The following AIFM3 variants were observed in gnomAD, a reference collection of about 807,000 sequenced individuals.
The protein encoded by AIFM3 is apoptosis-inducing factor 3.
AIFM3 carries 71 observed loss-of-function variants against 82.7 expected under a neutral mutation model. The ratio of observed to expected loss-of-function variants is 0.86; its 90% confidence interval spans 0.71 to 1.05. The LOEUF is 1.05. Among genes scored for constraint, AIFM3 ranks in the 50% least tolerant of loss-of-function variants. The probability of loss-of-function intolerance (pLI) is 0.00; values close to 1 mark genes in which losing one functional copy is unlikely to be tolerated. For missense variants in AIFM3, 748 were observed against 816.7 expected, an observed-to-expected ratio of 0.92 and a Z score of 1.03; for synonymous variants, 337 against 329.1, an observed-to-expected ratio of 1.02 and a Z score of -0.26.
In AIFM3 at chr22:20,977,027, C is replaced by T; in HGVS notation, c.1219-5C>T. The T allele has an allele frequency of 6.2e-7, 1 of 1,614,186 alleles. No individual in the cohort carries two copies. Among genetic ancestry groups the T allele is most frequent in the Non-Finnish European group, 8.5e-7 (1 of 1,180,038 alleles). On this transcript the variant is annotated splice_region_variant and splice_polypyrimidine_tract_variant and intron_variant, in intron 13 of 20. Coordinates refer to ENST00000440238, the MANE Select transcript of AIFM3 (RefSeq NM_001386814.1). Reference sequence around the variant, plus strand: ...TCCACCTGTTTATCCACCCACTCCCCACAGCTGAAGGAGGTTGTGCTGAAG... The same window carrying T: ...TCCACCTGTTTATCCACCCACTCCCTACAGCTGAAGGAGGTTGTGCTGAAG...
intron 20 of AIFM3, 52 bp downstream of exon 20, chr22:20,980,819 G>A (rs765943116): frequency 1.1e-5 from 18 of 1,610,272 alleles, no homozygotes; most frequent in South Asian, 9.9e-5. Context: ...TGTCAGCCCA[G>A]ACCCTCCACC....
chr22:20,977,171 T>A, intron 14 of AIFM3, 76 bp downstream of exon 14: 1 of 1,580,134 alleles, frequency 6.3e-7, no homozygotes, highest in Non-Finnish European at 8.6e-7. Flanking sequence ...CTTGGGCTAG[T>A]CCCTTCCCCT....
In AIFM3 at chr22:20,976,703, G is replaced by A. The variant is rs1923698180; in HGVS notation, c.1083G>A (p.Val361=). The part of the protein sequence containing the change: ...LTEKAHSVSV[V]ELEETPFRRF... ...AGAAGGCCCACTCTGTGTCTGTGGT[G>A]GAGCTGGAGGAGACGCCCTTCAGGA... Residue 361 remains valine, a synonymous_variant, in exon 12 of 21, where the codon GTG becomes GTA. Coordinates refer to ENST00000440238, the MANE Select transcript of AIFM3 (RefSeq NM_001386814.1). 1.2e-6 allele frequency: 2 copies of A among 1,609,086 alleles called. No individual in the cohort carries two copies. Among genetic ancestry groups the A allele is most frequent in the Non-Finnish European group, 1.7e-6 (2 of 1,177,640 alleles).
At position 20,976,293 on chromosome 22, in the gene AIFM3, G is replaced by A. The variant is rs769542944; in HGVS notation, c.886G>A (p.Ala296Thr). 9 of 1,614,038 alleles carry A rather than the reference G, an allele frequency of 5.6e-6. No homozygotes were observed. The highest frequency in any genetic ancestry group is 7.6e-6 in the Non-Finnish European group (9 of 1,180,034). The change falls in exon 10 of 21, where the codon GCA (alanine) becomes ACA (threonine). Residue 296 changes from alanine (A) to threonine (T), a missense_variant. By Grantham distance (58) the Ala-to-Thr change is moderately conservative. Coordinates refer to ENST00000440238, the MANE Select transcript of AIFM3 (RefSeq NM_001386814.1). Reference sequence around the variant, plus strand: ...GCTGGAGTACAGCAAGCTGCTGCTGGCACCAGGGAGCAGGTGGGAGGGTCT... The same window carrying A: ...GCTGGAGTACAGCAAGCTGCTGCTGACACCAGGGAGCAGGTGGGAGGGTCT... ...FKLEYSKLLL[A>T]PGSSPKTLSC... is the part of the protein sequence containing the mutation.
chr22:20,967,886 G>A lies in AIFM3; in HGVS notation c.-59G>A. On this transcript the variant is annotated 5_prime_UTR_variant, in exon 2 of 21. An upstream open reading frame in the 5' UTR loses its in-frame stop. Transcript: ENST00000440238. Reference sequence around the variant, plus strand: ...GTCCAGCCCCATGGGGGGCGCCCTAGGCCTCCGACAGCTCCCCATCTGTGC... The same window carrying A: ...GTCCAGCCCCATGGGGGGCGCCCTAAGCCTCCGACAGCTCCCCATCTGTGC... 1 of 1,607,128 alleles carries A rather than the reference G, an allele frequency of 6.2e-7. No homozygotes were observed. The highest frequency in any genetic ancestry group is 2.2e-5 in the East Asian group (1 of 44,836).
intron 9 of AIFM3, 136 bp from the exon 10 acceptor site, chr22:20,976,079 C>G: frequency 1.0e-6 from 1 of 969,214 alleles, no homozygotes; most frequent in Non-Finnish European, 1.6e-6. Context: ...AGAATGAAGC[C>G]CAGGTGGCAG....
rs373462664 is a variant in AIFM3, at chr22:20,973,427, C to A, written c.152C>A (p.Thr51Lys). ...AATGGCACGGCCCGCCACTTCCACA[C>A]GGAGGAGCGCCTGTCCACCCCTCAC... ...QGNGTARHFH[T>K]EERLSTPHPY... Residue 51 changes from threonine (T) to lysine (K), a missense_variant, in exon 3 of 21, where the codon ACG becomes AAG. Coordinates refer to ENST00000440238, the MANE Select transcript of AIFM3 (RefSeq NM_001386814.1). The A allele has an allele frequency of 2.5e-6, 4 of 1,613,034 alleles. No homozygotes were observed. The highest frequency in any genetic ancestry group is 3.4e-6 in the Non-Finnish European group (4 of 1,179,988).
chr22:20,977,892 T>C lies in AIFM3; in HGVS notation c.1364T>C (p.Met455Thr), dbSNP rs1432881955. ...SRGFIPVNKM[M>T]QTNVPGVFAA... ...CTCTGGGCCCTCTCTCTACAGATGA[T>C]GCAGACCAATGTCCCAGGCGTGTTT... is the stretch of plus-strand genomic sequence containing the variant. The change falls in exon 16 of 21, where the codon ATG becomes ACG. Residue 455 changes from methionine to threonine, a missense_variant. Physicochemically the swap from Met to Thr is moderately conservative, Grantham distance 81. This residue lies in a region of AIFM3 where 393 missense variants were observed against 481.1 expected (regional missense o/e 0.82). Transcript: ENST00000440238. 3.7e-6 allele frequency: 6 copies of C among 1,614,154 alleles called. 1 individual carries two copies. In the South Asian group the frequency reaches 6.6e-5, roughly 18 times the overall value.
At chr22:20,980,612 C>A (rs915529119) in intron 19 of AIFM3, 135 bp from the exon 20 acceptor site, 5 of 1,108,978 alleles carry the variant, frequency 4.5e-6, no homozygotes, top group Non-Finnish European at 6.9e-6. Context: ...CTGGGGACAG[C>A]CTGGAGGCCA....
At chr22:20,975,196 A>C (rs992591913) in intron 8 of AIFM3, among the ~76,000 whole-genome samples, 2 of 150,124 alleles carry the variant, frequency 1.3e-5, no homozygotes, top group Non-Finnish European at 3.0e-5. Context: ...TGAACTCCTG[A>C]GCTCAGCCCA....
intron 19 of AIFM3, 49 bp downstream of exon 19, chr22:20,980,173 A>T: frequency 6.4e-7 from 1 of 1,567,100 alleles, no homozygotes; most frequent in South Asian, 1.1e-5. Flanking sequence ...TCCCTGGAGT[A>T]CTGGCTAAGG....
In AIFM3 at chr22:20,977,038, G is replaced by A; in HGVS notation, c.1225G>A (p.Glu409Lys). The A allele has an allele frequency of 6.2e-7, 1 of 1,614,198 alleles. No individual in the cohort carries two copies. Residue 409 changes from glutamate to lysine, a missense_variant, in exon 14 of 21, where the codon GAG becomes AAG. By Grantham distance (56) the Glu-to-Lys change is moderately conservative. Coordinates refer to ENST00000440238, the MANE Select transcript of AIFM3 (RefSeq NM_001386814.1). ...ATCCACCCACTCCCCACAGCTGAAG[G>A]AGGTTGTGCTGAAGAGCAGCAAGGT... ...ELRGQEGKLK[E>K]VVLKSSKVVR...
In AIFM3 at chr22:20,981,234, C is replaced by T. The variant is rs1924099179; in HGVS notation, c.*203C>T. 3.1e-6 allele frequency: 2 copies of T among 650,378 alleles called. No homozygotes were observed. The highest frequency in any genetic ancestry group is 1.8e-5 in the African/African-American group (1 of 54,910). The allele number at this position is 650,378 out of a possible 1,614,324, so 40.3% of individuals were successfully genotyped here. ...GCTCAACCCTCAAGGCCTCTGCTGC[C>T]ACTGACAGCTGGCACTGGAGGCAGG... On this transcript the variant is annotated 3_prime_UTR_variant, in exon 21 of 21. Transcript: ENST00000440238.
At chr22:20,969,188 TGC>T (rs1302895021) in intron 2 of AIFM3, among the ~76,000 whole-genome samples, 46 of 152,358 alleles carry the variant, frequency 3.0e-4, no homozygotes, top group African/African-American at 1.1e-3. Flanking sequence ...AGATGCCACC[TGC>T]AGGTTCTTTT....
chr22:20,978,821 C>T lies in AIFM3; in HGVS notation c.1478-450C>T, dbSNP rs574523703. ...GGGGACTTTGAAGTACATCCAACTA[C>T]AGGGGTCTACTGGGGCCTCATAGGA... On this transcript the variant is annotated intron_variant, in intron 16 of 20. Coordinates refer to ENST00000440238, the MANE Select transcript of AIFM3 (RefSeq NM_001386814.1). Among the ~76,000 whole-genome samples, 66 of 152,226 alleles carry T rather than the reference C, an allele frequency of 4.3e-4. 1 individual carries two copies. The highest frequency in any genetic ancestry group is 1.5e-3 in the African/African-American group (61 of 41,536).
chr22:20,968,699 G>A (rs1364974791), intron 2 of AIFM3, among the ~76,000 whole-genome samples: 1 of 152,120 alleles, frequency 6.6e-6, no homozygotes, highest in African/African-American at 2.4e-5. Context: ...CACCTGGGGA[G>A]GCAGGAGTGT....
In AIFM3 at chr22:20,977,786, A is replaced by T; in HGVS notation, c.1359+10A>T. The stretch of plus-strand genomic sequence containing the variant: ...CATCCCTGTCAACAAGGTGGGGTGG[A>T]TGGCACTGGGTGGGGAGGACCCGGT... On this transcript the variant is annotated intron_variant, in intron 15 of 20. Transcript: ENST00000440238. 1.2e-6 allele frequency: 2 copies of T among 1,614,084 alleles called. No homozygotes were observed. Among genetic ancestry groups the T allele is most frequent in the Non-Finnish European group, 1.7e-6 (2 of 1,179,988 alleles).
chr22:20,974,087 G>A lies in AIFM3; in HGVS notation c.380G>A (p.Arg127His), dbSNP rs374048838. Reference sequence around the variant, plus strand: ...GGCGTTCTGTCCCGTGGTCGGGTGCGCTGCCCCTGGCACGGCGCCTGCTTC... The same window carrying A: ...GGCGTTCTGTCCCGTGGTCGGGTGCACTGCCCCTGGCACGGCGCCTGCTTC... ...VKGVLSRGRV[R>H]CPWHGACFNI... The change falls in exon 5 of 21, where the codon CGC becomes CAC. Residue 127 changes from arginine (R) to histidine (H), a missense_variant. Arg to His is a conservative substitution (Grantham distance 29). Transcript: ENST00000440238. The A allele has an allele frequency of 4.4e-5, 71 of 1,611,196 alleles. No individual in the cohort carries two copies. The highest frequency in any genetic ancestry group is 3.2e-4 in the African/African-American group (24 of 75,008).
In AIFM3 at chr22:20,976,212, C is replaced by T. The variant is rs756313045; in HGVS notation, c.808-3C>T. 22 of 1,612,546 alleles carry T rather than the reference C, an allele frequency of 1.4e-5. No homozygotes were observed. Among genetic ancestry groups the T allele is most frequent in the Non-Finnish European group, 1.9e-5 (22 of 1,179,528 alleles). On this transcript the variant is annotated splice_polypyrimidine_tract_variant and splice_region_variant and intron_variant, in intron 9 of 20. Transcript: ENST00000440238. ...CTCATGCTCTGCCTGGTGGGGATTG[C>T]AGGTGGTCACAGTGGACGTGAGAAC...
Sources: allele counts gnomAD v4.1 joint callset (sites outside exome capture counted in the v4.1 genomes callset), GRCh38; gene constraint gnomAD v4.1.1; regional missense constraint gnomAD v4.1.1; transcripts MANE v1.5; gene names NCBI Gene and HGNC (gene_info 2026-07-23, HGNC 2026-07-21).